Variants in RERE observed in about 807,000 individuals in gnomAD.
RERE encodes arginine-glutamic acid dipeptide repeats protein.
Under a neutral mutation model 146.1 loss-of-function variants are expected in RERE, and 40 were observed. That is an observed-to-expected ratio of 0.27 (90% CI 0.21 to 0.36). The LOEUF (loss-of-function observed/expected upper bound fraction) is 0.36. RERE is among the 10% of genes least tolerant of loss of function. The pLI, the probability that RERE is intolerant of heterozygous loss-of-function variation, is 1.00. For missense variants in RERE, 1,933 were observed against 2,138.7 expected, an observed-to-expected ratio of 0.90 and a Z score of 1.90; for synonymous variants, 1,003 against 866.0, an observed-to-expected ratio of 1.16 and a Z score of -2.78.
intron 1 of RERE, among the ~76,000 whole-genome samples, chr1:8,765,438 C>T (rs1160374622): frequency 1.3e-5 from 2 of 152,184 alleles, no homozygotes; most frequent in Non-Finnish European, 2.9e-5. Context: ...TTGCACAACT[C>T]TGTGAACACA....
At chr1:8,444,246 C>G (rs1416195661) in intron 11 of RERE, among the ~76,000 whole-genome samples, 1 of 152,216 alleles carries the variant, frequency 6.6e-6, no homozygotes, top group African/African-American at 2.4e-5. Context: ...TATTTTGGAG[C>G]TTTAAGATTT....
intron 4 of RERE, among the ~76,000 whole-genome samples, chr1:8,593,244 C>T (rs1323594923): frequency 6.6e-6 from 1 of 152,166 alleles, no homozygotes; most frequent in Non-Finnish European, 1.5e-5. Context: ...CCTAAAATAG[C>T]TTTTGCTGTG....
intron 12 of RERE, among the ~76,000 whole-genome samples, chr1:8,410,807 C>T (rs1440052005): frequency 2.0e-5 from 3 of 152,166 alleles, no homozygotes; most frequent in South Asian, 2.1e-4. Context: ...CTACATTGTT[C>T]GGCACTTGGT....
chr1:8,622,366 G>C (rs1231060819), intron 3 of RERE, among the ~76,000 whole-genome samples: 1 of 151,452 alleles, frequency 6.6e-6, no homozygotes, highest in Non-Finnish European at 1.5e-5. Flanking sequence ...GTTTGGTTTA[G>C]TAAAAATCAC....
chr1:8,710,416 C>T (rs1474681034), intron 1 of RERE, among the ~76,000 whole-genome samples: 1 of 152,228 alleles, frequency 6.6e-6, no homozygotes, highest in Non-Finnish European at 1.5e-5. Flanking sequence ...CTGAATAGCA[C>T]ACTTTAAAGT....
intron 5 of RERE, among the ~76,000 whole-genome samples, chr1:8,557,150 G>A (rs1488398464): frequency 3.9e-5 from 6 of 152,040 alleles, no homozygotes; most frequent in African/African-American, 1.4e-4. Flanking sequence ...AAAGTTTGAT[G>A]CCAGCGCCAG....
chr1:8,500,311 T>C (rs1645113289), intron 8 of RERE, among the ~76,000 whole-genome samples: 1 of 152,200 alleles, frequency 6.6e-6, no homozygotes, highest in South Asian at 2.1e-4. Context: ...CCCCCCATTC[T>C]TGAGAAAAAT....
Position 8,481,130 on chromosome 1 carries a change from G to C in RERE, c.1104+13933C>G, listed in dbSNP as rs978363721. 5.9e-5 allele frequency among the ~76,000 whole-genome samples: 9 copies of C among 152,214 alleles called. No individual in the cohort carries two copies. The East Asian group carries it at 1.7e-3, about 29-fold the overall frequency. On this transcript the variant is annotated intron_variant, in intron 10 of 22. Transcript: ENST00000400908. Reference sequence around the variant, plus strand: ...ACAGATTAACCAGACATTTCTTTCTGTTTCTGAGACGGGGTCTCGCTCTGT... The same window carrying C: ...ACAGATTAACCAGACATTTCTTTCTCTTTCTGAGACGGGGTCTCGCTCTGT...
At chr1:8,507,061 C>T (rs1308881042) in intron 8 of RERE, among the ~76,000 whole-genome samples, 1 of 152,128 alleles carries the variant, frequency 6.6e-6, no homozygotes. Context: ...ACATGGGAGA[C>T]AGAAACAGAG....
chr1:8,596,685 T>TTC (rs1439872395), intron 4 of RERE, among the ~76,000 whole-genome samples: 1 of 151,236 alleles, frequency 6.6e-6, no homozygotes, highest in African/African-American at 2.4e-5. Flanking sequence ...TTTTTTTTTT[T>TTC]TTTCTGGTAG....
chr1:8,530,867 A>T, intron 7 of RERE, among the ~76,000 whole-genome samples: 1 of 148,880 alleles, frequency 6.7e-6, no homozygotes, highest in Non-Finnish European at 1.5e-5. Flanking sequence ...AATTTTTTGT[A>T]TTTTTAGTAG....
At chr1:8,752,367 A>G (rs1157954489) in intron 1 of RERE, among the ~76,000 whole-genome samples, 3 of 152,218 alleles carry the variant, frequency 2.0e-5, no homozygotes, top group African/African-American at 7.2e-5. Flanking sequence ...AAAAAAGAAA[A>G]AAAATACTCC....
In RERE at chr1:8,687,239, C is replaced by T. The variant is rs79715042; in HGVS notation, c.-144-30798G>A. On this transcript the variant is annotated intron_variant, in intron 1 of 22. Coordinates refer to ENST00000400908, the MANE Select transcript of RERE (RefSeq NM_001042681.2). ...ATGTGAGAGGGCACGGGTGGCGCCT[C>T]AGAGAGTTCCCTGAACAGCTGGTCT... 2.0e-5 allele frequency among the ~76,000 whole-genome samples: 3 copies of T among 152,060 alleles called. No homozygotes were observed. The East Asian group carries it at 5.8e-4, about 29-fold the overall frequency.
intron 1 of RERE, among the ~76,000 whole-genome samples, chr1:8,805,001 GTTTTTGGTTT>G (rs1641658523): frequency 9.7e-6 from 1 of 102,732 alleles, no homozygotes; most frequent in Non-Finnish European, 2.0e-5. Flanking sequence ...GTTTTGTTTT[GTTTTTGGTTT>G]TTTTTTTTTT....
At chr1:8,498,710 TAAAAAAAA>T (rs1220899065) in intron 8 of RERE, among the ~76,000 whole-genome samples, 2 of 68,212 alleles carry the variant, frequency 2.9e-5, no homozygotes, top group African/African-American at 1.0e-4. Context: ...AAAAAAAAAA[TAAAAAAAA>T]AAAAATAAAT....
intron 12 of RERE, among the ~76,000 whole-genome samples, chr1:8,372,697 G>A (rs533216187): frequency 2.0e-5 from 3 of 152,332 alleles, no homozygotes; most frequent in South Asian, 2.1e-4. Context: ...CTGGCCTTAC[G>A]GCTATGTTAA....
In RERE at chr1:8,358,408, C is replaced by T. The variant is rs1490824195; in HGVS notation, c.4127G>A (p.Arg1376Lys). Residue 1376 changes from arginine (R) to lysine (K), a missense_variant, in exon 20 of 23, where the codon AGG becomes AAG. Arg to Lys is a conservative substitution (Grantham distance 26). Around this residue, in one of 11 missense-constraint regions of RERE, gnomAD observed 1,255 missense variants for 1,153.8 expected, o/e 1.09. Transcript: ENST00000400908. ...SFHPGLNPLE[R>K]ERLALAGPQL... ...GGGGCCCGCCAGGGCCAGTCTCTCC[C>T]TCTCCAAGGGGTTCAGGCCCGGGTG... is the stretch of plus-strand genomic sequence containing the variant. 1 of 1,604,680 alleles carries T rather than the reference C, an allele frequency of 6.2e-7. No individual in the cohort carries two copies. The highest frequency in any genetic ancestry group is 1.3e-5 in the African/African-American group (1 of 74,802).
intron 2 of RERE, among the ~76,000 whole-genome samples, chr1:8,643,202 G>A (rs1179805225): frequency 6.6e-6 from 1 of 152,184 alleles, no homozygotes; most frequent in Non-Finnish European, 1.5e-5. Flanking sequence ...AAGTTAAGAG[G>A]TAGAAGAGTG....
chr1:8,509,680 C>T (rs925038922), intron 7 of RERE, among the ~76,000 whole-genome samples: 2 of 152,066 alleles, frequency 1.3e-5, no homozygotes, highest in East Asian at 1.9e-4. Context: ...TGGTGGCGCA[C>T]GCCTGTAGAC....
Sources: allele counts gnomAD v4.1 joint callset (sites outside exome capture counted in the v4.1 genomes callset), GRCh38; gene constraint gnomAD v4.1.1; regional missense constraint gnomAD v4.1.1; transcripts MANE v1.5; gene names NCBI Gene and HGNC (gene_info 2026-07-23, HGNC 2026-07-21).